The following EVA1A variants were observed in gnomAD, a reference collection of about 807,000 sequenced individuals.
EVA1A encodes the protein protein eva-1 homolog A.
In EVA1A, 7 loss-of-function variants were observed where a neutral mutation model predicts 9.8. The ratio of observed to expected loss-of-function variants is 0.71; its 90% CI spans 0.41 to 1.34. The LOEUF (loss-of-function observed/expected upper bound fraction) is 1.34. EVA1A is among the 40% of genes most tolerant of loss of function. EVA1A has a pLI of 0.01. For synonymous variants in EVA1A, 90 were observed against 85.6 expected, an observed-to-expected ratio of 1.05 and a Z score of -0.28; for missense variants, 206 against 205.9, an observed-to-expected ratio of 1.00 and a Z score of 0.00.
intron 3 of EVA1A, 27 bp downstream of exon 3, chr2:75,518,029 C>T: frequency 1.2e-6 from 2 of 1,613,288 alleles, no homozygotes; most frequent in Non-Finnish European, 1.7e-6. Flanking sequence ...GACCTCAGTC[C>T]TGGCCCAGTG....
intron 3 of EVA1A, among the ~76,000 whole-genome samples, chr2:75,515,135 C>G (rs1290953078): frequency 6.6e-6 from 1 of 152,138 alleles, no homozygotes; most frequent in East Asian, 1.9e-4. Flanking sequence ...TTTTTGTCCA[C>G]TTTCCTTTTG....
intron 1 of EVA1A, among the ~76,000 whole-genome samples, chr2:75,527,745 A>C (rs2901667): frequency 0.28 from 42,054 of 152,166 alleles, 7,189 homozygotes; most frequent in Non-Finnish European, 0.38. Flanking sequence ...AGGAAAAAAT[A>C]GAATTTTATG....
chr2:75,511,585 C>T (rs576183329), intron 3 of EVA1A, among the ~76,000 whole-genome samples: 1 of 152,148 alleles, frequency 6.6e-6, no homozygotes, highest in African/African-American at 2.4e-5. Flanking sequence ...AAAACTATAC[C>T]CTTGTATTTT....
At chr2:75,494,272 G>A (rs1372239122) in intron 3 of EVA1A, among the ~76,000 whole-genome samples, 1 of 152,180 alleles carries the variant, frequency 6.6e-6, no homozygotes, top group Non-Finnish European at 1.5e-5. Context: ...TTTCAAATAT[G>A]TGGCTTCTGC....
At chr2:75,499,767 G>A (rs770149593) in intron 3 of EVA1A, among the ~76,000 whole-genome samples, 28 of 152,124 alleles carry the variant, frequency 1.8e-4, no homozygotes, top group Admixed American at 5.2e-4. Flanking sequence ...CCAGGTTGCT[G>A]CCTCTGCCCA....
chr2:75,498,573 G>T (rs1285220076), intron 3 of EVA1A, among the ~76,000 whole-genome samples: 3 of 152,136 alleles, frequency 2.0e-5, no homozygotes, highest in African/African-American at 7.2e-5. Flanking sequence ...TTTTTATGTT[G>T]ATTCAAAACA....
chr2:75,537,959 T>C (rs1276342080), intron 1 of EVA1A, among the ~76,000 whole-genome samples: 1 of 152,144 alleles, frequency 6.6e-6, no homozygotes, highest in Non-Finnish European at 1.5e-5. Context: ...CAGCCTCAGA[T>C]GTTCCTTCTG....
chr2:75,525,114 ATATG>A (rs1232314919), intron 1 of EVA1A, among the ~76,000 whole-genome samples: 1 of 152,140 alleles, frequency 6.6e-6, no homozygotes, highest in African/African-American at 2.4e-5. Flanking sequence ...TACAATGTAT[ATATG>A]TATGTATGCA....
chr2:75,568,495 G>A (rs1031266279), intron 1 of EVA1A, among the ~76,000 whole-genome samples: 1 of 151,698 alleles, frequency 6.6e-6, no homozygotes, highest in South Asian at 2.1e-4. Context: ...TGGGAGTACA[G>A]GTGATTTTTG....
intron 1 of EVA1A, among the ~76,000 whole-genome samples, chr2:75,559,795 C>A (rs1413331091): frequency 6.6e-6 from 1 of 151,700 alleles, no homozygotes; most frequent in African/African-American, 2.4e-5. Flanking sequence ...TGGTATAGAC[C>A]AGCTAGGACC....
At chr2:75,568,928 T>G (rs1044311061) in intron 1 of EVA1A, among the ~76,000 whole-genome samples, 1 of 152,218 alleles carries the variant, frequency 6.6e-6, no homozygotes, top group Admixed American at 6.5e-5. Flanking sequence ...CAAATTCTGC[T>G]GCTATAAACA....
upstream of EVA1A, among the ~76,000 whole-genome samples, chr2:75,561,555 G>C (rs1676922248): frequency 6.6e-6 from 1 of 151,984 alleles, no homozygotes; most frequent in Non-Finnish European, 1.5e-5. Flanking sequence ...GCTCAGCTGG[G>C]GGCTGGAAAC....
At chr2:75,530,738 G>A (rs1403946473) in intron 1 of EVA1A, among the ~76,000 whole-genome samples, 9 of 152,036 alleles carry the variant, frequency 5.9e-5, no homozygotes, top group Admixed American at 5.9e-4. Context: ...AAATCAGCAT[G>A]GTAGGGACAT....
At chr2:75,504,718 A>C (rs1279636636) in intron 3 of EVA1A, among the ~76,000 whole-genome samples, 1 of 138,062 alleles carries the variant, frequency 7.2e-6, no homozygotes, top group East Asian at 2.4e-4. Flanking sequence ...AAAACCAAAC[A>C]CCACGTGTTC....
chr2:75,523,735 C>A (rs1167930598), intron 1 of EVA1A, among the ~76,000 whole-genome samples: 1 of 152,132 alleles, frequency 6.6e-6, no homozygotes. Context: ...AGGGACCATG[C>A]CTTAATTCTT....
chr2:75,549,024 C>G (rs1336205391), intron 1 of EVA1A, among the ~76,000 whole-genome samples: 1 of 125,690 alleles, frequency 8.0e-6, no homozygotes, highest in Non-Finnish European at 1.7e-5. Context: ...TTTTTTTTTA[C>G]TAATAAATCA....
chr2:75,566,354 A>G (rs1433269847), intron 1 of EVA1A, among the ~76,000 whole-genome samples: 1 of 147,202 alleles, frequency 6.8e-6, no homozygotes. Flanking sequence ...CACGTTCTCC[A>G]GGCCTTGTCT....
At chr2:75,495,515 G>GT (rs1674179269) in intron 3 of EVA1A, among the ~76,000 whole-genome samples, 1 of 152,154 alleles carries the variant, frequency 6.6e-6, no homozygotes, top group Admixed American at 6.5e-5. Flanking sequence ...ATTAAGTTGT[G>GT]TTTTCTATTT....
At chr2:75,505,412 G>A (rs1674581045) in intron 3 of EVA1A, among the ~76,000 whole-genome samples, 1 of 152,170 alleles carries the variant, frequency 6.6e-6, no homozygotes, top group South Asian at 2.1e-4. Flanking sequence ...TTGCCTCATG[G>A]TGCATATCTC....
Sources: allele counts gnomAD v4.1 joint callset (sites outside exome capture counted in the v4.1 genomes callset), GRCh38; gene constraint gnomAD v4.1.1; transcripts MANE v1.5; gene names NCBI Gene and HGNC (gene_info 2026-07-23, HGNC 2026-07-21).